SIDT1: variants seen among roughly 807,000 people sequenced by gnomAD.
SIDT1 encodes the protein SID1 transmembrane family member 1.
A neutral mutation model predicts 107.5 loss-of-function variants in SIDT1; 101 were observed. That is an observed-to-expected ratio of 0.94 (90% confidence interval 0.80 to 1.11). The LOEUF (loss-of-function observed/expected upper bound fraction) is 1.11. Ranked by LOEUF, SIDT1 falls within the 50% of genes least tolerant of loss-of-function variation. The probability of loss-of-function intolerance (pLI) is 0.00; values close to 1 mark genes in which losing one functional copy is unlikely to be tolerated. For synonymous variants in SIDT1, 395 were observed against 398.2 expected, an observed-to-expected ratio of 0.99 and a Z score of 0.10; for missense variants, 1,076 against 1,058.2, an observed-to-expected ratio of 1.02 and a Z score of -0.23.
chr3:113,536,247 T>C (rs1249151435), intron 1 of SIDT1, among the ~76,000 whole-genome samples: 1 of 152,206 alleles, frequency 6.6e-6, no homozygotes, highest in Non-Finnish European at 1.5e-5. Context: ...TTTGCCATCA[T>C]TGCTTATCCT....
rs1011307268 is a variant in SIDT1, at chr3:113,604,086, TAGTC to T, written c.1337+56_1337+59del. The T allele has an allele frequency of 9.2e-5, 121 of 1,310,194 alleles. 1 individual carries two copies. Among genetic ancestry groups the T allele is most frequent in the Admixed American group, 6.7e-4 (32 of 47,934 alleles). 81.2% of individuals were successfully genotyped at this position (1,310,194 alleles called of 1,614,324 possible). ...TTCCCTTAAATAAACATAGTTTTCT[TAGTC>T]AGAGCCACAACCACTTAGGCACAAG... On this transcript the variant is annotated intron_variant, in intron 13 of 24. Coordinates refer to ENST00000264852, the MANE Select transcript of SIDT1 (RefSeq NM_017699.3).
At chr3:113,634,617 G>A in the SIDT1 span, among the ~76,000 whole-genome samples, 5 of 151,796 alleles carry the variant, frequency 3.3e-5, no homozygotes, top group African/African-American at 9.7e-5. Flanking sequence ...CCAACATGGC[G>A]AAACCTTGTC....
intron 21 of SIDT1, among the ~76,000 whole-genome samples, chr3:113,622,936 C>G (rs1168421889): frequency 6.6e-6 from 1 of 151,770 alleles, no homozygotes; most frequent in African/African-American, 2.4e-5. Context: ...GGCTGTAATC[C>G]CAGGGCTTTG....
At chr3:113,586,652 G>T (rs1218849108) in intron 9 of SIDT1, among the ~76,000 whole-genome samples, 2 of 152,110 alleles carry the variant, frequency 1.3e-5, no homozygotes, top group African/African-American at 2.4e-5. Context: ...AAAAATAGTA[G>T]ATATACAGTA....
chr3:113,544,777 G>C (rs562631793), intron 1 of SIDT1, among the ~76,000 whole-genome samples: 1 of 152,066 alleles, frequency 6.6e-6, no homozygotes. Context: ...GTTTCTCCCA[G>C]ATTTCTCCAC....
chr3:113,619,866 A>G (rs1946340620), intron 21 of SIDT1, 140 bp downstream of exon 21: 7 of 740,878 alleles, frequency 9.4e-6, no homozygotes, highest in Non-Finnish European at 1.6e-5. Context: ...GACTCAAAAA[A>G]AGGTAGTAGG....
intron 9 of SIDT1, among the ~76,000 whole-genome samples, chr3:113,588,361 T>A (rs1374089110): frequency 6.6e-6 from 1 of 152,242 alleles, no homozygotes; most frequent in Non-Finnish European, 1.5e-5. Flanking sequence ...AACTTTTCCT[T>A]CATTAACTAA....
intron 10 of SIDT1, among the ~76,000 whole-genome samples, chr3:113,593,618 T>C (rs1944335715): frequency 6.6e-6 from 1 of 152,208 alleles, no homozygotes; most frequent in African/African-American, 2.4e-5. Context: ...TCACAGATCA[T>C]TGGTCAGCCA....
chr3:113,595,572 G>A (rs1186291281), intron 10 of SIDT1, among the ~76,000 whole-genome samples: 4 of 148,898 alleles, frequency 2.7e-5, no homozygotes, highest in Admixed American at 6.7e-5. Context: ...GAGCAAGACC[G>A]TGTCTCAAAA....
intron 1 of SIDT1, among the ~76,000 whole-genome samples, chr3:113,555,983 G>A (rs1364956312): frequency 6.6e-6 from 1 of 151,856 alleles, no homozygotes; most frequent in Non-Finnish European, 1.5e-5. Context: ...GCACTCCCTG[G>A]TGCTCTTTGA....
rs1435957201 is a variant in SIDT1, at chr3:113,623,736, A to G, written c.2307+3A>G. 1 of 1,605,640 alleles carries G rather than the reference A, an allele frequency of 6.2e-7. No individual in the cohort carries two copies. The highest frequency in any genetic ancestry group is 1.3e-5 in the African/African-American group (1 of 74,894). ...TCCAGAATCTCAGCAGCTGGGAGGT[A>G]AGAGGCCAGTTTTCTTATCCAAAAA... On this transcript the variant is annotated splice_donor_region_variant and intron_variant, in intron 23 of 24. Coordinates refer to ENST00000264852, the MANE Select transcript of SIDT1 (RefSeq NM_017699.3).
chr3:113,559,502 C>T (rs1217934593), intron 1 of SIDT1, among the ~76,000 whole-genome samples: 1 of 151,670 alleles, frequency 6.6e-6, no homozygotes, highest in Admixed American at 6.6e-5. Flanking sequence ...AGTGTAGTGG[C>T]CCAATCTGGG....
chr3:113,625,699 T>C (rs952216970), intron 23 of SIDT1, among the ~76,000 whole-genome samples: 1 of 152,246 alleles, frequency 6.6e-6, no homozygotes, highest in African/African-American at 2.4e-5. Flanking sequence ...ATGTCTTCTT[T>C]TGAGAAATGT....
chr3:113,557,974 G>A (rs1344442631), intron 1 of SIDT1, among the ~76,000 whole-genome samples: 1 of 152,190 alleles, frequency 6.6e-6, no homozygotes, highest in South Asian at 2.1e-4. Flanking sequence ...GAGGCAGTTA[G>A]TGCTTCTTCA....
At chr3:113,584,473 A>G (rs1054418098) in intron 7 of SIDT1, among the ~76,000 whole-genome samples, 2 of 152,242 alleles carry the variant, frequency 1.3e-5, no homozygotes, top group African/African-American at 2.4e-5. Flanking sequence ...AATGCACACA[A>G]GCAAAGGCCA....
intron 12 of SIDT1, 87 bp downstream of exon 12, chr3:113,603,237 T>G: frequency 7.1e-7 from 1 of 1,406,726 alleles, no homozygotes; most frequent in South Asian, 1.4e-5. Flanking sequence ...TTTCCTTTAT[T>G]TTGTTTCCTT....
chr3:113,603,426 G>T (rs1404600396), intron 12 of SIDT1, among the ~76,000 whole-genome samples: 1 of 152,184 alleles, frequency 6.6e-6, no homozygotes, highest in Admixed American at 6.5e-5. Context: ...AGAAGGAAGG[G>T]ATCCAACCAG....
At chr3:113,585,107 C>A in intron 8 of SIDT1, 70 bp from the exon 9 acceptor site, 1 of 1,092,308 alleles carries the variant, frequency 9.2e-7, no homozygotes, top group Non-Finnish European at 1.4e-6. Context: ...CCCTTTAAGC[C>A]GTCCTGTCTC....
intron 1 of SIDT1, 95 bp downstream of exon 1, chr3:113,533,338 G>A: frequency 2.1e-6 from 2 of 965,996 alleles, no homozygotes; most frequent in Non-Finnish European, 2.8e-6. Flanking sequence ...GACCTTGGGA[G>A]ACTTCGGGGA....
Sources: gnomAD v4.1 joint callset for allele counts (sites outside exome capture counted in the v4.1 genomes callset) on GRCh38, gnomAD v4.1.1 for gene constraint, MANE v1.5 for transcripts, NCBI Gene and HGNC (gene_info 2026-07-23, HGNC 2026-07-21) for gene names.